The following PRXL2A variants were observed in gnomAD, a reference collection of about 807,000 sequenced individuals.
The protein encoded by PRXL2A is peroxiredoxin-like 2A.
PRXL2A carries 26 observed loss-of-function variants against 25.6 expected under a neutral mutation model. That is an observed-to-expected ratio of 1.02 (90% CI 0.74 to 1.41). The LOEUF is 1.41. Among genes scored for constraint, PRXL2A ranks in the 40% most tolerant of loss-of-function variants. PRXL2A has a pLI of 0.00. For synonymous variants in PRXL2A, 98 were observed against 102.9 expected, an observed-to-expected ratio of 0.95 and a Z score of 0.29; for missense variants, 246 against 273.9, an observed-to-expected ratio of 0.90 and a Z score of 0.72.
At chr10:80,411,780 A>G (rs1162412673) in intron 1 of PRXL2A, among the ~76,000 whole-genome samples, 1 of 152,168 alleles carries the variant, frequency 6.6e-6, no homozygotes, top group Admixed American at 6.5e-5. Context: ...GTGCACTCTT[A>G]GTTTTTTGTC....
Position 80,427,376 on chromosome 10 carries a change from A to G in PRXL2A, c.456A>G (p.Gly152=), listed in dbSNP as rs1845079676. The part of the protein sequence containing the change: ...GPQRRKMMFM[G]FIRLGVWYNF... ...AAAGGCGGAAGATGATGTTTATGGGATTTATCCGTCTGGGAGTGTGGTACA... is the reference window on the plus strand; with the variant it reads ...AAAGGCGGAAGATGATGTTTATGGGGTTTATCCGTCTGGGAGTGTGGTACA... Residue 152 remains glycine (G), a synonymous_variant, in exon 5 of 6, where the codon GGA becomes GGG. Coordinates refer to ENST00000606162, the MANE Select transcript of PRXL2A (RefSeq NM_032333.5). 1 of 1,614,034 alleles carries G rather than the reference A, an allele frequency of 6.2e-7. No individual in the cohort carries two copies. Among genetic ancestry groups the G allele is most frequent in the Non-Finnish European group, 8.5e-7 (1 of 1,180,002 alleles).
chr10:80,416,070 G>C (rs1305685607), intron 1 of PRXL2A, among the ~76,000 whole-genome samples: 1 of 152,220 alleles, frequency 6.6e-6, no homozygotes, highest in African/African-American at 2.4e-5. Flanking sequence ...TAAAGGTACA[G>C]AAGTTGTTCC....
At chr10:80,414,279 A>T (rs1844574270) in intron 1 of PRXL2A, among the ~76,000 whole-genome samples, 1 of 152,306 alleles carries the variant, frequency 6.6e-6, no homozygotes, top group Middle Eastern at 3.4e-3. Context: ...GGATCAGATA[A>T]GCCCAGCAGT....
intron 1 of PRXL2A, chr10:80,408,969 C>G: frequency 6.4e-6 from 6 of 937,404 alleles, no homozygotes; most frequent in Non-Finnish European, 7.6e-6. Context: ...TGAGTGACGC[C>G]GGTGGCGCCA....
chr10:80,420,263 A>G, intron 1 of PRXL2A: 1 of 1,312,506 alleles, frequency 7.6e-7, no homozygotes. Context: ...CGGTGCAGGA[A>G]CCTCCATGTG....
chr10:80,412,859 G>C (rs534046443), intron 1 of PRXL2A, among the ~76,000 whole-genome samples: 1 of 152,290 alleles, frequency 6.6e-6, no homozygotes, highest in African/African-American at 2.4e-5. Context: ...GAACACAAGG[G>C]AAAGGTGTAA....
chr10:80,432,213 CA>C lies in PRXL2A; in HGVS notation c.*115del, dbSNP rs1845287372. On this transcript the variant is annotated 3_prime_UTR_variant, in exon 6 of 6. Transcript: ENST00000606162. ...GAGAAACCCATTTATACTCTACTCT[CA>C]GTATGGATTATTAATGTATTTTAAT... 1 of 626,620 alleles carries C rather than the reference CA, an allele frequency of 1.6e-6. No homozygotes were observed. Among genetic ancestry groups the C allele is most frequent in the Non-Finnish European group, 2.8e-6 (1 of 360,288 alleles). 38.8% of individuals were successfully genotyped at this position (626,620 alleles called of 1,614,324 possible).
At chr10:80,414,772 A>G (rs1844597983) in intron 1 of PRXL2A, among the ~76,000 whole-genome samples, 1 of 152,186 alleles carries the variant, frequency 6.6e-6, no homozygotes, top group Admixed American at 6.5e-5. Context: ...TTTGCATCAC[A>G]AGACTGTTGA....
chr10:80,420,692 A>C (rs778968042), intron 2 of PRXL2A, 47 bp downstream of exon 2: 23 of 1,371,240 alleles, frequency 1.7e-5, no homozygotes, highest in Non-Finnish European at 2.0e-5. Flanking sequence ...AGGAGCTGGG[A>C]TACAGGCTTA....
chr10:80,428,188 G>A (rs1040856928), intron 5 of PRXL2A, among the ~76,000 whole-genome samples: 1 of 152,170 alleles, frequency 6.6e-6, no homozygotes, highest in African/African-American at 2.4e-5. Flanking sequence ...GGCTCCACAA[G>A]CAGCATGGAG....
intron 1 of PRXL2A, 186 bp from the exon 2 acceptor site, chr10:80,420,280 G>A: frequency 7.4e-7 from 1 of 1,343,152 alleles, no homozygotes; most frequent in Non-Finnish European, 9.5e-7. Flanking sequence ...TGTGTGTGCT[G>A]CATCCCCAAG....
chr10:80,408,837 C>T (rs575463190), intron 1 of PRXL2A, among the ~76,000 whole-genome samples, 194 bp downstream of exon 1: 1 of 152,176 alleles, frequency 6.6e-6, no homozygotes, highest in Non-Finnish European at 1.5e-5. Flanking sequence ...GGACGACGAC[C>T]CTTCCGCCAC....
chr10:80,429,539 TGCCCC>T (rs199921163), intron 5 of PRXL2A, among the ~76,000 whole-genome samples: 1 of 74,442 alleles, frequency 1.3e-5, no homozygotes. Flanking sequence ...GGCCCTGCCC[TGCCCC>T]GCCCCGCCCC....
At chr10:80,428,864 G>A (rs1483078152) in intron 5 of PRXL2A, among the ~76,000 whole-genome samples, 1 of 152,150 alleles carries the variant, frequency 6.6e-6, no homozygotes, top group African/African-American at 2.4e-5. Context: ...TTCCCAATTT[G>A]GGAGGAATAA....
chr10:80,413,335 A>G (rs910713112), intron 1 of PRXL2A, among the ~76,000 whole-genome samples: 15 of 152,248 alleles, frequency 9.9e-5, no homozygotes, highest in Admixed American at 8.5e-4. Context: ...GTGTGGGTTG[A>G]GGGAAGCCAC....
chr10:80,420,937 T>C (rs978588198), intron 2 of PRXL2A, among the ~76,000 whole-genome samples: 5 of 152,246 alleles, frequency 3.3e-5, no homozygotes, highest in Non-Finnish European at 7.3e-5. Context: ...TGTTGTTGTC[T>C]CTGTAATTAT....
At chr10:80,429,208 C>T (rs114076898) in intron 5 of PRXL2A, among the ~76,000 whole-genome samples, 2,395 of 152,222 alleles carry the variant, frequency 0.016, 61 homozygotes, top group African/African-American at 0.055. Flanking sequence ...GTAACTGATT[C>T]GCTTGACTAT....
intron 1 of PRXL2A, among the ~76,000 whole-genome samples, chr10:80,414,652 C>A (rs1844592391): frequency 6.6e-6 from 1 of 152,310 alleles, no homozygotes; most frequent in South Asian, 2.1e-4. Flanking sequence ...CTTTGGAGTC[C>A]TATTCCTGTT....
upstream of PRXL2A, among the ~76,000 whole-genome samples, chr10:80,408,111 A>G (rs1589547257): frequency 6.6e-6 from 1 of 151,864 alleles, no homozygotes; most frequent in African/African-American, 2.4e-5. Context: ...CTGTACATAC[A>G]GCTTGAAGGG....
Sources: gnomAD v4.1 joint callset for allele counts (sites outside exome capture counted in the v4.1 genomes callset) on GRCh38, gnomAD v4.1.1 for gene constraint, MANE v1.5 for transcripts, NCBI Gene and HGNC (gene_info 2026-07-23, HGNC 2026-07-21) for gene names.